The following CELF2 variants were observed in gnomAD, a reference collection of about 807,000 sequenced individuals.
The protein encoded by CELF2 is CUGBP Elav-like family member 2.
Under a neutral mutation model 62.6 loss-of-function variants are expected in CELF2, and 8 were observed. The observed-to-expected ratio is 0.13, with a 90% CI of 0.07 to 0.23. The LOEUF is 0.23. Among genes scored for constraint, CELF2 ranks in the 10% least tolerant of loss-of-function variants. CELF2 has a pLI of 1.00. For missense variants in CELF2, 333 were observed against 671.0 expected (o/e 0.50, Z 5.56); for synonymous variants, 258 against 250.0 (o/e 1.03, Z -0.30).
At chr10:11,310,374 A>T (rs2094497826) in intron 9 of CELF2, among the ~76,000 whole-genome samples, 2 of 152,136 alleles carry the variant, frequency 1.3e-5, no homozygotes, top group South Asian at 4.2e-4. Context: ...TGTACCAGGG[A>T]AGGGAGCAGG....
chr10:10,724,115 C>T, the CELF2 span, among the ~76,000 whole-genome samples: 1 of 152,178 alleles, frequency 6.6e-6, no homozygotes, highest in African/African-American at 2.4e-5. Context: ...CATTGTAAAT[C>T]ACCTCATCTC....
chr10:10,790,199 A>T, the CELF2 span, among the ~76,000 whole-genome samples: 1 of 152,090 alleles, frequency 6.6e-6, no homozygotes, highest in South Asian at 2.1e-4. Context: ...AGGGTTTTTT[A>T]AAATCGTCTA....
the CELF2 span, among the ~76,000 whole-genome samples, chr10:10,526,334 A>C: frequency 0.037 from 5,686 of 152,330 alleles, 341 homozygotes; most frequent in African/African-American, 0.13. Flanking sequence ...CTTTTCTAGA[A>C]TTAAAACTTC....
At chr10:11,256,791 G>C (rs552780488) in intron 4 of CELF2, among the ~76,000 whole-genome samples, 1 of 151,824 alleles carries the variant, frequency 6.6e-6, no homozygotes, top group African/African-American at 2.4e-5. Flanking sequence ...TGGAGATTTT[G>C]AGGAAAATCT....
chr10:10,729,038 A>T, the CELF2 span, among the ~76,000 whole-genome samples: 4 of 152,220 alleles, frequency 2.6e-5, no homozygotes, highest in African/African-American at 9.7e-5. Flanking sequence ...TGTGGGAGAG[A>T]TGTAATTTGG....
intron 5 of CELF2, among the ~76,000 whole-genome samples, chr10:11,263,390 C>T (rs1006172963): frequency 6.6e-6 from 1 of 151,936 alleles, no homozygotes; most frequent in Non-Finnish European, 1.5e-5. Context: ...CCAAAACTCC[C>T]TCCCCACCAA....
At chr10:11,183,175 T>C (rs1472711322) in intron 2 of CELF2, among the ~76,000 whole-genome samples, 1 of 152,156 alleles carries the variant, frequency 6.6e-6, no homozygotes, top group Non-Finnish European at 1.5e-5. Flanking sequence ...CTTTCTGTTG[T>C]ATGTGGTTAC....
At chr10:11,134,553 T>C (rs1038729395) in intron 1 of CELF2, among the ~76,000 whole-genome samples, 4 of 152,188 alleles carry the variant, frequency 2.6e-5, no homozygotes, top group South Asian at 2.1e-4. Flanking sequence ...GCGGTGCCCA[T>C]AGGTGACTCT....
chr10:11,062,776 G>T (rs982736253), intron 1 of CELF2, among the ~76,000 whole-genome samples: 1 of 152,172 alleles, frequency 6.6e-6, no homozygotes, highest in Non-Finnish European at 1.5e-5. Flanking sequence ...ATAAAGTAGT[G>T]GCAGGGTTTG....
At chr10:11,027,210 ATAT>A (rs1314292137) in intron 1 of CELF2, among the ~76,000 whole-genome samples, 1 of 152,162 alleles carries the variant, frequency 6.6e-6, no homozygotes, top group Non-Finnish European at 1.5e-5. Flanking sequence ...CAGTTTCTTA[ATAT>A]TAAGCCATCC....
the CELF2 span, among the ~76,000 whole-genome samples, chr10:10,533,479 C>G: frequency 6.6e-6 from 1 of 152,168 alleles, no homozygotes; most frequent in African/African-American, 2.4e-5. Context: ...ACAAAACTGC[C>G]TCCTGAACTT....
chr10:10,805,105 A>T (rs1423885380), intron 1 of CELF2, among the ~76,000 whole-genome samples: 2 of 152,194 alleles, frequency 1.3e-5, no homozygotes, highest in Non-Finnish European at 2.9e-5. Flanking sequence ...CTTTTCATGT[A>T]ATGTCTCATT....
At chr10:10,849,842 T>TA (rs34346996) in intron 1 of CELF2, among the ~76,000 whole-genome samples, 28,384 of 148,452 alleles carry the variant, frequency 0.19, 2,749 homozygotes, top group Middle Eastern at 0.21. Flanking sequence ...GCAATTGCTT[T>TA]AAAAAAAAAA....
chr10:10,546,222 T>G, the CELF2 span, among the ~76,000 whole-genome samples: 4 of 152,182 alleles, frequency 2.6e-5, no homozygotes, highest in Admixed American at 2.6e-4. Flanking sequence ...AACCATACTG[T>G]GTGTGTGATG....
In CELF2 at chr10:11,226,137, C is replaced by T. The variant is rs374415280; in HGVS notation, c.354+8630C>T. 3.9e-5 allele frequency among the ~76,000 whole-genome samples: 6 copies of T among 152,280 alleles called. No individual in the cohort carries two copies. The East Asian group carries it at 9.7e-4, about 25-fold the overall frequency. On this transcript the variant is annotated intron_variant, in intron 3 of 12. Transcript: ENST00000633077. ...AACAGTCACCGTGAAGGAAGTAGCTCCTCTTTATGGGTTGCCATGGGGAGG... is the reference window on the plus strand; with the variant it reads ...AACAGTCACCGTGAAGGAAGTAGCTTCTCTTTATGGGTTGCCATGGGGAGG...
At chr10:10,689,715 G>A in the CELF2 span, among the ~76,000 whole-genome samples, 11 of 152,192 alleles carry the variant, frequency 7.2e-5, no homozygotes, top group African/African-American at 2.6e-4. Context: ...GCAAATAACC[G>A]AGAGTGTACA....
In CELF2 at chr10:11,075,845, A is replaced by G. The variant is rs911606331; in HGVS notation, c.74+57682A>G. Among the ~76,000 whole-genome samples the G allele has an allele frequency of 1.3e-5, 2 of 152,174 alleles. No individual in the cohort carries two copies. Among genetic ancestry groups the G allele is most frequent in the Admixed American group, 6.6e-5 (1 of 15,266 alleles). On this transcript the variant is annotated intron_variant, in intron 1 of 12. Coordinates refer to ENST00000633077, the MANE Select transcript of CELF2 (RefSeq NM_001326342.2). The surrounding 1 kb of genome is among the most constrained non-coding windows in gnomAD (Gnocchi z 5.4). ...AGCATCAGTATTAGGGCAAAATACT[A>G]GTAATCTGATTAATCTCAATTAATT...
At chr10:11,173,861 A>G (rs2069913290) in intron 2 of CELF2, among the ~76,000 whole-genome samples, 3 of 152,256 alleles carry the variant, frequency 2.0e-5, no homozygotes, top group Admixed American at 2.0e-4. Context: ...CAAAAGGGAA[A>G]AAGTGGAAAC....
At chr10:10,513,400 C>T in the CELF2 span, among the ~76,000 whole-genome samples, 1 of 152,084 alleles carries the variant, frequency 6.6e-6, no homozygotes, top group Non-Finnish European at 1.5e-5. Context: ...AGATTTCCTT[C>T]TTTGATTTTC....
Sources: allele counts gnomAD v4.1 joint callset (sites outside exome capture counted in the v4.1 genomes callset), GRCh38; gene constraint gnomAD v4.1.1; non-coding constraint Gnocchi (gnomAD v3.1); transcripts MANE v1.5; gene names NCBI Gene and HGNC (gene_info 2026-07-23, HGNC 2026-07-21).